Variants in IL1RAPL1 observed in about 807,000 individuals in gnomAD.
IL1RAPL1 encodes interleukin 1 receptor accessory protein like 1.
A neutral mutation model predicts 48.4 loss-of-function variants in IL1RAPL1; 3 were observed. The ratio of observed to expected loss-of-function variants is 0.06; its 90% CI spans 0.03 to 0.16. The LOEUF (loss-of-function observed/expected upper bound fraction) is 0.16. Ranked by LOEUF, IL1RAPL1 falls within the 10% of genes least tolerant of loss-of-function variation. IL1RAPL1 has a pLI of 1.00. For synonymous variants in IL1RAPL1, 185 were observed against 187.7 expected (o/e 0.99, Z 0.12); for missense variants, 349 against 530.6 (o/e 0.66, Z 3.36).
At chrX:29,018,587 G>A (rs1027645325) in intron 2 of IL1RAPL1, among the ~76,000 whole-genome samples, 1 of 111,994 alleles carries the variant, frequency 8.9e-6, no homozygotes, top group African/African-American at 3.2e-5. Context: ...ATGTTAAACA[G>A]CTTGTACTTC....
intron 2 of IL1RAPL1, among the ~76,000 whole-genome samples, chrX:29,050,804 T>A (rs991203867): frequency 1.5e-4 from 17 of 112,215 alleles, no homozygotes; most frequent in African/African-American, 5.5e-4. Flanking sequence ...TGGCACTCCA[T>A]TTAAGTGCTT....
intron 1 of IL1RAPL1, among the ~76,000 whole-genome samples, chrX:28,738,975 C>A (rs1392119721): frequency 9.0e-6 from 1 of 110,996 alleles, no homozygotes; most frequent in Non-Finnish European, 1.9e-5. Flanking sequence ...CATGTCCCAT[C>A]TTGTAGTCTC....
intron 1 of IL1RAPL1, among the ~76,000 whole-genome samples, chrX:28,685,756 T>G (rs1030664983): frequency 8.9e-5 from 10 of 112,101 alleles, no homozygotes; most frequent in African/African-American, 2.9e-4. Context: ...TAGGTGACTC[T>G]AAGCAGGAAT....
chrX:29,211,028 T>C (rs766232518), intron 2 of IL1RAPL1, among the ~76,000 whole-genome samples: 33 of 111,459 alleles, frequency 3.0e-4, no homozygotes, highest in African/African-American at 8.5e-4. Flanking sequence ...CTGTATTCTA[T>C]CTTCTAACAG....
At chrX:28,609,795 C>G (rs781450994) in intron 1 of IL1RAPL1, among the ~76,000 whole-genome samples, 1 of 110,391 alleles carries the variant, frequency 9.1e-6, no homozygotes, top group East Asian at 2.8e-4. Context: ...AATGTGTTAT[C>G]CAATAACCCT....
intron 1 of IL1RAPL1, among the ~76,000 whole-genome samples, chrX:28,637,131 G>T (rs914301717): frequency 6.5e-4 from 72 of 111,074 alleles, no homozygotes; most frequent in African/African-American, 2.3e-3. Context: ...TTGAAATTGG[G>T]TGAGATAAAA....
At chrX:29,951,504 G>A (rs1301349923) in intron 9 of IL1RAPL1, among the ~76,000 whole-genome samples, 1 of 111,351 alleles carries the variant, frequency 9.0e-6, no homozygotes, top group Non-Finnish European at 1.9e-5. Flanking sequence ...TCTCCAGAAG[G>A]AGAAGGAAAT....
At chrX:28,947,001 A>G (rs1195038799) in intron 2 of IL1RAPL1, among the ~76,000 whole-genome samples, 2 of 112,005 alleles carry the variant, frequency 1.8e-5, no homozygotes, top group African/African-American at 6.5e-5. Context: ...AGTCTTTGAC[A>G]AATTTGTGTC....
At chrX:28,674,083 T>A (rs1934974425) in intron 1 of IL1RAPL1, among the ~76,000 whole-genome samples, 1 of 112,247 alleles carries the variant, frequency 8.9e-6, no homozygotes. Context: ...TTGCATGTTG[T>A]AATCAAACAA....
intron 1 of IL1RAPL1, among the ~76,000 whole-genome samples, chrX:28,758,536 A>G (rs1308541786): frequency 9.0e-6 from 1 of 111,033 alleles, no homozygotes; most frequent in Non-Finnish European, 1.9e-5. Context: ...TCAATGGCCA[A>G]AAGAGGGAAG....
At chrX:28,706,961 TA>T (rs1316252691) in intron 1 of IL1RAPL1, among the ~76,000 whole-genome samples, 1 of 112,221 alleles carries the variant, frequency 8.9e-6, no homozygotes, top group East Asian at 2.8e-4. Flanking sequence ...TTCGCTCATC[TA>T]AAAAATATTA....
chrX:29,162,662 G>C (rs1298975587), intron 2 of IL1RAPL1, among the ~76,000 whole-genome samples: 1 of 111,129 alleles, frequency 9.0e-6, no homozygotes, highest in Non-Finnish European at 1.9e-5. Flanking sequence ...CTCAATCGAG[G>C]AAATCTTAAA....
At chrX:29,589,853 G>A (rs1018576629) in intron 5 of IL1RAPL1, among the ~76,000 whole-genome samples, 10 of 111,077 alleles carry the variant, frequency 9.0e-5, no homozygotes, top group South Asian at 3.8e-4. Context: ...ACAGTTCTGC[G>A]GGCTTTACAG....
intron 2 of IL1RAPL1, among the ~76,000 whole-genome samples, chrX:29,221,620 T>TACACACACACACAC (rs35088625): frequency 1.9e-4 from 15 of 79,542 alleles, no homozygotes; most frequent in East Asian, 1.2e-3. Flanking sequence ...TACACACACA[T>TACACACACACACAC]ACACACACAC....
intron 2 of IL1RAPL1, among the ~76,000 whole-genome samples, chrX:29,115,323 G>A (rs1928656995): frequency 9.0e-6 from 1 of 111,189 alleles, no homozygotes; most frequent in South Asian, 3.7e-4. Context: ...TTGTTGATTG[G>A]GTTAATGGGA....
chrX:29,782,706 G>T (rs1272990602), intron 6 of IL1RAPL1, among the ~76,000 whole-genome samples: 2 of 109,812 alleles, frequency 1.8e-5, no homozygotes, highest in Non-Finnish European at 3.8e-5. Flanking sequence ...AAAATAAGTA[G>T]TAATTTATCT....
chrX:28,646,550 T>C, intron 1 of IL1RAPL1, among the ~76,000 whole-genome samples: 1 of 112,655 alleles, frequency 8.9e-6, no homozygotes, highest in Admixed American at 9.4e-5. Context: ...AAATTCCAGT[T>C]GTAGATTTGT....
intron 2 of IL1RAPL1, among the ~76,000 whole-genome samples, chrX:29,025,989 G>T (rs949968491): frequency 1.8e-5 from 2 of 111,652 alleles, no homozygotes; most frequent in African/African-American, 3.3e-5. Flanking sequence ...TCTACTAAAG[G>T]TGATAAATAT....
intron 2 of IL1RAPL1, among the ~76,000 whole-genome samples, chrX:29,042,664 A>G (rs1027669615): frequency 7.2e-5 from 8 of 111,683 alleles, no homozygotes; most frequent in African/African-American, 2.6e-4. Flanking sequence ...ACAACAGAAG[A>G]CAAAAGCGTT....
Sources: gnomAD v4.1 joint callset for allele counts (sites outside exome capture counted in the v4.1 genomes callset) on GRCh38, gnomAD v4.1.1 for gene constraint, MANE v1.5 for transcripts, NCBI Gene and HGNC (gene_info 2026-07-23, HGNC 2026-07-21) for gene names.